Variants in SLC39A11 observed in about 807,000 individuals in gnomAD.
The protein encoded by SLC39A11 is zinc transporter ZIP11.
SLC39A11 carries 33 observed loss-of-function variants against 36.1 expected under a neutral mutation model. That is an observed-to-expected ratio of 0.91 (90% CI 0.69 to 1.22). SLC39A11 has a LOEUF of 1.22. Ranked by LOEUF, SLC39A11 falls within the 50% of genes most tolerant of loss-of-function variation. The pLI, the probability that SLC39A11 is intolerant of heterozygous loss-of-function variation, is 0.00. For missense variants in SLC39A11, 432 were observed against 430.3 expected (o/e 1.00, Z -0.03); for synonymous variants, 166 against 170.3 (o/e 0.97, Z 0.20).
intron 3 of SLC39A11, among the ~76,000 whole-genome samples, chr17:73,062,580 C>T (rs990456182): frequency 2.0e-5 from 3 of 150,498 alleles, no homozygotes; most frequent in African/African-American, 7.3e-5. Flanking sequence ...TGTCTTGCAA[C>T]AGTTTGCATG....
At chr17:72,874,371 C>T (rs144582709) in intron 5 of SLC39A11, among the ~76,000 whole-genome samples, 79 of 152,218 alleles carry the variant, frequency 5.2e-4, no homozygotes, top group African/African-American at 1.8e-3. Flanking sequence ...TCTCCCACCC[C>T]GGACATGCAG....
At chr17:73,082,838 C>T (rs1568246072) in intron 3 of SLC39A11, among the ~76,000 whole-genome samples, 1 of 119,992 alleles carries the variant, frequency 8.3e-6, no homozygotes, top group Admixed American at 9.9e-5. Flanking sequence ...CGGCAAAACC[C>T]CATCTCTACT....
chr17:72,729,436 TATATATATATATATATATA>T (rs2074099942), intron 7 of SLC39A11, among the ~76,000 whole-genome samples: 10 of 3,494 alleles, frequency 2.9e-3, no homozygotes, highest in East Asian at 0.011. Flanking sequence ...TATATATATA[TATATATATATATATATATA>T]TATTTTTTTT....
At chr17:72,872,876 G>A (rs368720507) in intron 5 of SLC39A11, among the ~76,000 whole-genome samples, 73 of 151,996 alleles carry the variant, frequency 4.8e-4, no homozygotes, top group East Asian at 2.9e-3. Context: ...CTAACATGGC[G>A]AAACCCTGTC....
chr17:73,039,590 T>G (rs2059040136), intron 3 of SLC39A11, among the ~76,000 whole-genome samples: 2 of 152,244 alleles, frequency 1.3e-5, no homozygotes, highest in Non-Finnish European at 2.9e-5. Context: ...ATTTTTACAG[T>G]AATTTTTAGC....
At chr17:72,839,122 T>C (rs1045783057) in intron 6 of SLC39A11, 1 of 152,184 alleles carries the variant, frequency 6.6e-6, no homozygotes, top group Non-Finnish European at 1.5e-5. Flanking sequence ...ACACAGCTGA[T>C]AGCCCATGGG....
chr17:72,978,974 C>T (rs1356938747), intron 4 of SLC39A11, among the ~76,000 whole-genome samples: 1 of 152,118 alleles, frequency 6.6e-6, no homozygotes, highest in African/African-American at 2.4e-5. Context: ...AAAAAGAAGG[C>T]CCTTGCTCTG....
At chr17:72,869,708 T>C (rs965582412) in intron 5 of SLC39A11, among the ~76,000 whole-genome samples, 1 of 151,882 alleles carries the variant, frequency 6.6e-6, no homozygotes, top group African/African-American at 2.4e-5. Flanking sequence ...AAATTGATTT[T>C]CATAATACAA....
chr17:73,042,634 C>G (rs1281153600), intron 3 of SLC39A11, among the ~76,000 whole-genome samples: 1 of 152,120 alleles, frequency 6.6e-6, no homozygotes, highest in Non-Finnish European at 1.5e-5. Context: ...AACCCCATCT[C>G]TACTAAAAAT....
chr17:72,775,590 C>A (rs554316443), intron 6 of SLC39A11, among the ~76,000 whole-genome samples: 1 of 152,114 alleles, frequency 6.6e-6, no homozygotes, highest in South Asian at 2.1e-4. Context: ...TTGGGGGCAA[C>A]GTAGCAATCA....
At chr17:72,711,659 G>A (rs986030431) in intron 7 of SLC39A11, among the ~76,000 whole-genome samples, 1 of 152,202 alleles carries the variant, frequency 6.6e-6, no homozygotes, top group Non-Finnish European at 1.5e-5. Flanking sequence ...TGGGGCAACA[G>A]CTTCCTGGAA....
intron 5 of SLC39A11, among the ~76,000 whole-genome samples, chr17:72,850,622 T>C (rs1353865192): frequency 6.6e-6 from 1 of 152,170 alleles, no homozygotes; most frequent in Non-Finnish European, 1.5e-5. Context: ...GCTGCCTGCT[T>C]CCCTTCCTGA....
At chr17:72,698,707 A>C (rs1476155068) in intron 7 of SLC39A11, among the ~76,000 whole-genome samples, 1 of 152,216 alleles carries the variant, frequency 6.6e-6, no homozygotes. Flanking sequence ...GCTACTGAGA[A>C]GACAGAAGTC....
intron 5 of SLC39A11, 26 bp from the exon 6 acceptor site, chr17:72,849,830 G>C (rs1442000085): frequency 6.6e-7 from 1 of 1,505,982 alleles, no homozygotes; most frequent in East Asian, 2.3e-5. Flanking sequence ...AAAAAAGAGA[G>C]ATGGGGAAAG....
At chr17:73,021,215 C>T (rs919606819) in intron 4 of SLC39A11, among the ~76,000 whole-genome samples, 1 of 152,194 alleles carries the variant, frequency 6.6e-6, no homozygotes, top group African/African-American at 2.4e-5. Context: ...TGACCAGGAC[C>T]TGCTCTATGG....
At chr17:72,936,252 T>C (rs190537534) in intron 5 of SLC39A11, among the ~76,000 whole-genome samples, 23 of 151,966 alleles carry the variant, frequency 1.5e-4, no homozygotes, top group African/African-American at 5.5e-4. Context: ...TCACAATTTG[T>C]ATTTCACAGG....
At chr17:72,759,102 A>AAATAATAATAATAATAAT (rs776562987) in intron 6 of SLC39A11, among the ~76,000 whole-genome samples, 1,437 of 135,418 alleles carry the variant, frequency 0.011, 14 homozygotes, top group East Asian at 0.04. Context: ...TTTCATCTAA[A>AAATAATAATAATAATAAT]AATAATAACA....
At chr17:73,075,674 G>A (rs190302604) in intron 3 of SLC39A11, among the ~76,000 whole-genome samples, 14 of 152,230 alleles carry the variant, frequency 9.2e-5, no homozygotes, top group East Asian at 3.9e-4. Flanking sequence ...CCAACATGGC[G>A]AAACTCCATC....
At chr17:72,979,498 T>C (rs2088130743) in intron 4 of SLC39A11, among the ~76,000 whole-genome samples, 1 of 152,132 alleles carries the variant, frequency 6.6e-6, no homozygotes, top group Non-Finnish European at 1.5e-5. Context: ...GGCAATGGGA[T>C]GAGGGACGGA....
Sources: gnomAD v4.1 joint callset for allele counts (sites outside exome capture counted in the v4.1 genomes callset) on GRCh38, gnomAD v4.1.1 for gene constraint, MANE v1.5 for transcripts, NCBI Gene and HGNC (gene_info 2026-07-23, HGNC 2026-07-21) for gene names.